Variants in AKNA observed in about 807,000 individuals in gnomAD.
AKNA encodes the protein AT-hook transcription factor.
A neutral mutation model predicts 138.8 loss-of-function variants in AKNA; 67 were observed. The ratio of observed to expected loss-of-function variants is 0.48; its 90% CI spans 0.40 to 0.59. The LOEUF (loss-of-function observed/expected upper bound fraction) is 0.59. Ranked by LOEUF, AKNA falls within the 20% of genes least tolerant of loss-of-function variation. AKNA has a pLI of 0.00. For synonymous variants in AKNA, 737 were observed against 754.4 expected (o/e 0.98, Z 0.38); for missense variants, 1,813 against 1,880.4 (o/e 0.96, Z 0.66).
intron 15 of AKNA, among the ~76,000 whole-genome samples, chr9:114,348,473 C>T (rs980627445): frequency 8.5e-5 from 13 of 152,324 alleles, no homozygotes; most frequent in Middle Eastern, 6.8e-3. Context: ...GGCTCTGAGA[C>T]GGAGCAGAAT....
chr9:114,335,856 A>G lies in AKNA; in HGVS notation c.*1198T>C, dbSNP rs1327659445. On this transcript the variant is annotated 3_prime_UTR_variant, in exon 22 of 22. Transcript: ENST00000374088. ...AGAGTCCAGGTGCATACTCTTGTAGACAGCAACTTGCTGTGTGCCTCATTT... is the reference window on the plus strand; with the variant it reads ...AGAGTCCAGGTGCATACTCTTGTAGGCAGCAACTTGCTGTGTGCCTCATTT... The G allele has an allele frequency of 6.6e-6, 1 of 151,966 alleles. No homozygotes were observed. The highest frequency in any genetic ancestry group is 1.5e-5 in the Non-Finnish European group (1 of 68,008). 9.4% of individuals were successfully genotyped at this position (151,966 alleles called of 1,614,324 possible).
chr9:114,348,849 G>T (rs1331219653), intron 15 of AKNA: 1 of 456,212 alleles, frequency 2.2e-6, no homozygotes. Context: ...ACTTGGTCTG[G>T]CTTCTGGGGT....
intron 1 of AKNA, among the ~76,000 whole-genome samples, chr9:114,386,418 T>C (rs1406754786): frequency 6.6e-6 from 1 of 152,206 alleles, no homozygotes; most frequent in Non-Finnish European, 1.5e-5. Context: ...TCTGAAAGTA[T>C]GGCCTGACCT....
chr9:114,397,858 C>A (rs1049176884), upstream of AKNA, among the ~76,000 whole-genome samples: 1 of 152,218 alleles, frequency 6.6e-6, no homozygotes, highest in Admixed American at 6.5e-5. Context: ...TACCTTCCCC[C>A]CCGCGACAAA....
chr9:114,343,781 G>A lies in AKNA; in HGVS notation c.3684C>T (p.Ser1228=), dbSNP rs1830508579. Residue 1228 remains serine, a synonymous_variant, in exon 19 of 22, where the codon TCC becomes TCT. Transcript: ENST00000374088. ...CATTGCCTTTTGGGACCGCCTTAGG[G>A]GACAGAACATGGTATTCGTGGCCTG... is the stretch of plus-strand genomic sequence containing the variant. ...QYTGHEYHVL[S]PKAVPKGNGT... The A allele has an allele frequency of 6.2e-7, 1 of 1,613,584 alleles. No homozygotes were observed. The highest frequency in any genetic ancestry group is 1.3e-5 in the African/African-American group (1 of 75,040).
chr9:114,381,319 C>A lies in AKNA; in HGVS notation c.15G>T (p.Glu5Asp). The change falls in exon 2 of 22, where the codon GAG becomes GAT. Residue 5 changes from glutamate to aspartate, a missense_variant. Glu to Asp is a conservative substitution (Grantham distance 45). Transcript: ENST00000374088. Reference protein sequence around the residue: MASSETEIRWAEPGL... With the variant: MASSDTEIRWAEPGL... ...CAGGCTCAGCCCAGCGGATCTCAGT[C>A]TCCGAGCTGGCCATTGGGGCTGGCC... The A allele has an allele frequency of 6.3e-7, 1 of 1,597,366 alleles. No individual in the cohort carries two copies. Among genetic ancestry groups the A allele is most frequent in the Non-Finnish European group, 8.5e-7 (1 of 1,171,394 alleles).
intron 4 of AKNA, among the ~76,000 whole-genome samples, chr9:114,370,624 C>T (rs893608337): frequency 4.8e-5 from 7 of 144,640 alleles, no homozygotes; most frequent in African/African-American, 1.7e-4. Context: ...CCGGGTGCTC[C>T]CCAAGGCTGG....
At chr9:114,334,129 C>A (rs1471538886), downstream of AKNA, 1 of 131,710 alleles carries the variant, frequency 7.6e-6, no homozygotes, top group Non-Finnish European at 1.6e-5. Flanking sequence ...GCCTGCGGAA[C>A]TGTGAGTCAA....
chr9:114,388,352 G>A (rs1834192501), upstream of AKNA, among the ~76,000 whole-genome samples: 1 of 152,210 alleles, frequency 6.6e-6, no homozygotes, highest in Non-Finnish European at 1.5e-5. Flanking sequence ...TTCAACCACG[G>A]CCTGACCTTA....
At chr9:114,395,520 A>G (rs983704921), upstream of AKNA, among the ~76,000 whole-genome samples, 29 of 152,066 alleles carry the variant, frequency 1.9e-4, no homozygotes, top group African/African-American at 6.8e-4. Flanking sequence ...TTCCCAAGTC[A>G]GGGGCTGCTG....
chr9:114,345,953 T>C lies in AKNA; in HGVS notation c.3571A>G (p.Lys1191Glu), dbSNP rs201020512. Residue 1191 changes from lysine to glutamate, a missense_variant, in exon 18 of 22, where the codon AAG (lysine) becomes GAG (glutamate). Physicochemically the swap from Lys to Glu is moderately conservative, Grantham distance 56. Transcript: ENST00000374088. The part of the protein sequence containing the change: ...PLFSEKSKTT[K>E]DSPQAARDGK... ...TCCCGAGCTGCCTGTGGACTGTCCT[T>C]GGTGGTCTTGCTCTTCTCAGAGAAC... 1.5e-4 allele frequency: 247 copies of C among 1,613,912 alleles called. No homozygotes were observed. The East Asian group carries it at 4.7e-3, about 31-fold the overall frequency.
intron 18 of AKNA, chr9:114,345,236 C>G (rs1830603736): frequency 1.3e-5 from 2 of 152,058 alleles, no homozygotes; most frequent in African/African-American, 4.8e-5. Flanking sequence ...GCCACCACAC[C>G]CAGCTAATTT....
chr9:114,376,984 G>A lies in AKNA; in HGVS notation c.823C>T (p.His275Tyr), dbSNP rs751776789. ...SSAPPAQSPQHATDRWRRETT... is the reference protein window; with the variant it reads ...SSAPPAQSPQYATDRWRRETT... ...TCTCTCCTCCATCTATCTGTGGCAT[G>A]CTGCGGACTCTGGGCTGGGGGAGCT... The change falls in exon 3 of 22, where the codon CAT (histidine) becomes TAT (tyrosine). Residue 275 changes from histidine (H) to tyrosine (Y), a missense_variant. His to Tyr is a moderately conservative substitution (Grantham distance 83, BLOSUM62 2). Coordinates refer to ENST00000374088, the MANE Select transcript of AKNA (RefSeq NM_001317950.2). 4.3e-6 allele frequency: 7 copies of A among 1,614,060 alleles called. No individual in the cohort carries two copies. The highest frequency in any genetic ancestry group is 1.3e-5 in the African/African-American group (1 of 74,918).
intron 4 of AKNA, among the ~76,000 whole-genome samples, chr9:114,369,057 TATACTG>T (rs1323729939): frequency 6.6e-6 from 1 of 152,246 alleles, no homozygotes; most frequent in Non-Finnish European, 1.5e-5. Context: ...TAATAATTAT[TATACTG>T]ATAATAATAG....
At chr9:114,340,267 ACT>A (rs1420076770) in intron 21 of AKNA, among the ~76,000 whole-genome samples, 1 of 152,194 alleles carries the variant, frequency 6.6e-6, no homozygotes, top group Non-Finnish European at 1.5e-5. Flanking sequence ...CAACACAGCC[ACT>A]GAAGACATCC....
At position 114,377,364 on chromosome 9, in the gene AKNA, GCCT is replaced by G. The variant is rs1266526231; in HGVS notation, c.440_442del (p.Glu147del). 25 of 1,613,784 alleles carry G rather than the reference GCCT, an allele frequency of 1.5e-5. No homozygotes were observed. The highest frequency in any genetic ancestry group is 2.1e-5 in the Non-Finnish European group (25 of 1,179,948). On this transcript the variant is annotated inframe_deletion, in exon 3 of 22. Transcript: ENST00000374088. ...TCCATGGCCTTCCAAGCTGAGACCAGCCTCATACCCCAACCTTGAGGAGCTCTC... is the reference window on the plus strand; with the variant it reads ...TCCATGGCCTTCCAAGCTGAGACCAGCATACCCCAACCTTGAGGAGCTCTC...
At chr9:114,350,812 G>A (rs915819854) in intron 15 of AKNA, 47 bp downstream of exon 15, 27 of 1,508,800 alleles carry the variant, frequency 1.8e-5, no homozygotes, top group East Asian at 1.2e-4. Flanking sequence ...TCACGCTCCC[G>A]TCTGTATGAT....
intron 9 of AKNA, 104 bp downstream of exon 9, chr9:114,361,600 A>T (rs1363923469): frequency 7.6e-7 from 1 of 1,307,964 alleles, no homozygotes; most frequent in Non-Finnish European, 1.1e-6. Flanking sequence ...ACACACTGGC[A>T]TATGGCACAC....
chr9:114,385,825 C>T (rs1402483823), intron 1 of AKNA, among the ~76,000 whole-genome samples: 1 of 152,234 alleles, frequency 6.6e-6, no homozygotes, highest in African/African-American at 2.4e-5. Context: ...CACGTTAGTG[C>T]CAACTACCTG....
Sources: allele counts gnomAD v4.1 joint callset (sites outside exome capture counted in the v4.1 genomes callset), GRCh38; gene constraint gnomAD v4.1.1; transcripts MANE v1.5; gene names NCBI Gene and HGNC (gene_info 2026-07-23, HGNC 2026-07-21).